Variants in HEATR4 observed in about 807,000 individuals in gnomAD.
The protein encoded by HEATR4 is HEAT repeat containing 4, also known as HEAT repeat-containing protein 4.
In HEATR4, 95 loss-of-function variants were observed where a neutral mutation model predicts 108.8. The ratio of observed to expected loss-of-function variants is 0.87; its 90% CI spans 0.74 to 1.04. HEATR4 has a LOEUF of 1.04. HEATR4 is among the 50% of genes least tolerant of loss of function. HEATR4 has a pLI of 0.00. For missense variants in HEATR4, 1,152 were observed against 1,253.8 expected (o/e 0.92, Z 1.23); for synonymous variants, 443 against 459.4 (o/e 0.96, Z 0.46).
chr14:73,573,243 G>A, the HEATR4 span: 3 of 1,266,120 alleles, frequency 2.4e-6, no homozygotes, highest in African/African-American at 1.5e-5. Flanking sequence ...AGAGGTTTCT[G>A]GACGAACAGG....
Position 73,492,478 on chromosome 14 carries a change from C to T in HEATR4, c.2844+588G>A. 1 of 1,613,722 alleles carries T rather than the reference C, an allele frequency of 6.2e-7. No homozygotes were observed. Among genetic ancestry groups the T allele is most frequent in the South Asian group, 1.1e-5 (1 of 91,052 alleles). On this transcript the variant is annotated intron_variant, in intron 17 of 17. Coordinates refer to ENST00000553558, the MANE Select transcript of HEATR4 (RefSeq NM_001220484.1). The surrounding 1 kb of genome is among the most constrained non-coding windows in gnomAD (Gnocchi z 4.9). The stretch of plus-strand genomic sequence containing the variant: ...AGAAGGTGCGGGTCTTGGTTGCCCG[C>T]CTGGGACACTTTGCTCCTGTTGATG...
Position 73,516,593 on chromosome 14 carries a change from C to T in HEATR4, c.1211-2359G>A, listed in dbSNP as rs377541956. Among the ~76,000 whole-genome samples the T allele has an allele frequency of 2.4e-4, 36 of 152,090 alleles. No homozygotes were observed. The South Asian group carries it at 6.7e-3, about 28-fold the overall frequency. On this transcript the variant is annotated intron_variant, in intron 5 of 17. Transcript: ENST00000553558. ...GGTTATAGCTGGATAGAAACACATC[C>T]ACTAGCCATCTTCCACATCAACAGT...
rs1889278012 is a variant in HEATR4, at chr14:73,548,922, A to T, written c.-152+9829T>A. 5.3e-5 allele frequency among the ~76,000 whole-genome samples: 6 copies of T among 112,860 alleles called. 2 individuals are homozygous for T. The highest frequency in any genetic ancestry group is 1.7e-4 in the African/African-American group (6 of 34,748). The allele number at this position is 112,860 out of a possible 152,430, so 74.0% of individuals were successfully genotyped here. ...GTAATTCCAGGTAATTAACCTATCC[A>T]TCGCCTCACATCTTTCTCTCTCTCT... On this transcript the variant is annotated intron_variant, in intron 1 of 17. Transcript: ENST00000553558.
chr14:73,530,837 C>A lies in HEATR4; in HGVS notation c.-151-593G>T, dbSNP rs1888671907. Reference sequence around the variant, plus strand: ...TTTTTTTTGTAGAGATAGAGTCTCACCATGTTGTTCAGGCTGGTCTTGAAC... The same window carrying A: ...TTTTTTTTGTAGAGATAGAGTCTCAACATGTTGTTCAGGCTGGTCTTGAAC... On this transcript the variant is annotated intron_variant, in intron 1 of 17. Transcript: ENST00000553558. Among the ~76,000 whole-genome samples, 2 of 81,302 alleles carry A rather than the reference C, an allele frequency of 2.5e-5. 1 individual carries two copies. Among genetic ancestry groups the A allele is most frequent in the Non-Finnish European group, 5.1e-5 (2 of 39,564 alleles). 53.3% of individuals were successfully genotyped at this position (81,302 alleles called of 152,430 possible). A position where few individuals can be genotyped will look rare whatever the true frequency, so the allele number is the denominator to read the frequency against.
At chr14:73,490,909 G>C in intron 17 of HEATR4, 3 of 1,199,744 alleles carry the variant, frequency 2.5e-6, no homozygotes, top group Non-Finnish European at 3.2e-6. Flanking sequence ...ACCCCGAGGT[G>C]GCTGGAGGCC....
chr14:73,510,151 G>A (rs984642759), intron 7 of HEATR4, among the ~76,000 whole-genome samples: 8 of 151,504 alleles, frequency 5.3e-5, no homozygotes, highest in Non-Finnish European at 1.2e-4. Context: ...GTGTGCCACC[G>A]CCCCCAGCTG....
At chr14:73,506,698 A>G (rs553313019) in intron 9 of HEATR4, 127 bp from the exon 10 acceptor site, 8 of 606,632 alleles carry the variant, frequency 1.3e-5, no homozygotes, top group African/African-American at 1.1e-4. Flanking sequence ...GAGATGGGGC[A>G]TGTTTCCATC....
In HEATR4 at chr14:73,524,310, A is replaced by AAATAT; in HGVS notation, c.-72-1087_-72-1086insATATT. The stretch of plus-strand genomic sequence containing the variant: ...CTCCGTCTCAAAAAAAAAAAAAAAA[A>AAATAT]ATATATATATATATATATATATATA... On this transcript the variant is annotated intron_variant, in intron 2 of 17. Coordinates refer to ENST00000553558, the MANE Select transcript of HEATR4 (RefSeq NM_001220484.1). Among the ~76,000 whole-genome samples, 71 of 54,780 alleles carry AAATAT rather than the reference A, an allele frequency of 1.3e-3. 2 individuals carry two copies. The highest frequency in any genetic ancestry group is 4.1e-3 in the African/African-American group (46 of 11,340). The allele number at this position is 54,780 out of a possible 152,430, so 35.9% of individuals were successfully genotyped here.
rs1305645077 is a variant in HEATR4 at position 73,530,752 on chromosome 14, A to C, written c.-151-508T>G. The C allele has an allele frequency of 1.8e-5, 2 of 113,390 alleles. 1 individual carries two copies. The highest frequency in any genetic ancestry group is 3.8e-5 in the Non-Finnish European group (2 of 53,032). 7.0% of individuals were successfully genotyped at this position (113,390 alleles called of 1,614,324 possible). A position where few individuals can be genotyped will look rare whatever the true frequency, so the allele number is the denominator to read the frequency against. On this transcript the variant is annotated intron_variant, in intron 1 of 17. Coordinates refer to ENST00000553558, the MANE Select transcript of HEATR4 (RefSeq NM_001220484.1). Reference sequence around the variant, plus strand: ...TCCTGGGCTCAAGCAATCCTCCCACATAGCTGGGAGCATAGGCACATAGCA... The same window carrying C: ...TCCTGGGCTCAAGCAATCCTCCCACCTAGCTGGGAGCATAGGCACATAGCA...
chr14:73,524,984 T>G (rs1033171169), intron 2 of HEATR4, among the ~76,000 whole-genome samples: 2 of 152,314 alleles, frequency 1.3e-5, no homozygotes, highest in South Asian at 2.1e-4. Context: ...CCGTATTGTA[T>G]TTCTTTCTGT....
chr14:73,491,161 C>T (rs1198563353), intron 17 of HEATR4: 2 of 1,605,408 alleles, frequency 1.2e-6, no homozygotes, highest in Non-Finnish European at 1.7e-6. Context: ...GTGTTGTATC[C>T]CGCATGGCAG....
In HEATR4 at chr14:73,514,211, G is replaced by T; in HGVS notation, c.1234C>A (p.Leu412Met). The T allele has an allele frequency of 1.2e-6, 2 of 1,614,136 alleles. No individual in the cohort carries two copies. Among genetic ancestry groups the T allele is most frequent in the Non-Finnish European group, 1.7e-6 (2 of 1,180,020 alleles). Residue 412 changes from leucine (L) to methionine (M), a missense_variant, in exon 6 of 18, where the codon CTG becomes ATG. Coordinates refer to ENST00000553558, the MANE Select transcript of HEATR4 (RefSeq NM_001220484.1). Reference sequence around the variant, plus strand: ...GGGGTGGGCAAAGCAGTCCAGCGCAGGGCTCCTTGCACAGGTCTGTAAGCT... The same window carrying T: ...GGGGTGGGCAAAGCAGTCCAGCGCATGGCTCCTTGCACAGGTCTGTAAGCT... ...EASYRPVQGALRWTALPTPAK... is the reference protein window; with the variant it reads ...EASYRPVQGAMRWTALPTPAK...
chr14:73,585,869 G>A, the HEATR4 span, among the ~76,000 whole-genome samples: 1 of 137,348 alleles, frequency 7.3e-6, no homozygotes, highest in African/African-American at 2.8e-5. Context: ...CCCCTAGGCT[G>A]GAGTGCAGCA....
the HEATR4 span, among the ~76,000 whole-genome samples, chr14:73,614,419 G>A: frequency 6.6e-6 from 1 of 152,018 alleles, no homozygotes; most frequent in African/African-American, 2.4e-5. Context: ...AGAGGCTTTC[G>A]CAAGGATATA....
At chr14:73,603,191 A>G in the HEATR4 span, among the ~76,000 whole-genome samples, 4 of 152,334 alleles carry the variant, frequency 2.6e-5, no homozygotes, top group African/African-American at 9.6e-5. Flanking sequence ...ATATGTCCCC[A>G]GGCCTTACCA....
the HEATR4 span, chr14:73,571,606 G>A: frequency 6.6e-6 from 1 of 150,978 alleles, no homozygotes; most frequent in African/African-American, 2.4e-5. Context: ...GCAGCTCCCT[G>A]AGAAGGGGCG....
At chr14:73,573,275 T>C in the HEATR4 span, 1 of 1,464,742 alleles carries the variant, frequency 6.8e-7, no homozygotes, top group Non-Finnish European at 9.6e-7. Context: ...CGTGGGTAGA[T>C]ACCTAGGAGT....
At chr14:73,589,889 T>G in the HEATR4 span, among the ~76,000 whole-genome samples, 1 of 152,086 alleles carries the variant, frequency 6.6e-6, no homozygotes, top group East Asian at 1.9e-4. Flanking sequence ...CTGCAAACCT[T>G]TGCGGTGAGT....
At chr14:73,605,368 T>G in the HEATR4 span, among the ~76,000 whole-genome samples, 1 of 152,160 alleles carries the variant, frequency 6.6e-6, no homozygotes, top group Non-Finnish European at 1.5e-5. Flanking sequence ...AAGCTGTCCT[T>G]GTTCATTCCT....
Sources: gnomAD v4.1 joint callset for allele counts (sites outside exome capture counted in the v4.1 genomes callset) on GRCh38, gnomAD v4.1.1 for gene constraint, Gnocchi (gnomAD v3.1) non-coding constraint, MANE v1.5 for transcripts, NCBI Gene and HGNC (gene_info 2026-07-23, HGNC 2026-07-21) for gene names.